The following TMEM178B variants were observed in gnomAD, a reference collection of about 807,000 sequenced individuals.
TMEM178B encodes transmembrane protein 178B.
Under a neutral mutation model 31.0 loss-of-function variants are expected in TMEM178B, and 5 were observed. The observed-to-expected ratio is 0.16, with a 90% CI of 0.08 to 0.34. The LOEUF is 0.34. Among genes scored for constraint, TMEM178B ranks in the 10% least tolerant of loss-of-function variants. The pLI, the probability that TMEM178B is intolerant of heterozygous loss-of-function variation, is 1.00. For missense variants in TMEM178B, 275 were observed against 400.3 expected (o/e 0.69, Z 2.67); for synonymous variants, 164 against 164.0 (o/e 1.00, Z 0.00).
At chr7:141,181,394 T>A (rs1796528099) in intron 1 of TMEM178B, among the ~76,000 whole-genome samples, 1 of 152,132 alleles carries the variant, frequency 6.6e-6, no homozygotes, top group African/African-American at 2.4e-5. Context: ...GCTGGCTAAC[T>A]AAGGAGAGGC....
intron 2 of TMEM178B, among the ~76,000 whole-genome samples, chr7:141,255,258 TA>T (rs1198029108): frequency 3.3e-5 from 5 of 152,134 alleles, no homozygotes; most frequent in African/African-American, 7.2e-5. Flanking sequence ...CTGGGTGGGA[TA>T]GGGGTGAAGG....
At chr7:141,295,062 T>A (rs950232961) in intron 2 of TMEM178B, among the ~76,000 whole-genome samples, 1 of 152,232 alleles carries the variant, frequency 6.6e-6, no homozygotes, top group Non-Finnish European at 1.5e-5. Context: ...GATGATACGA[T>A]GAGAAGTGTT....
At chr7:141,502,769 TAA>T in the TMEM178B span, among the ~76,000 whole-genome samples, 205 of 145,998 alleles carry the variant, frequency 1.4e-3, no homozygotes, top group Non-Finnish European at 1.3e-3. Context: ...AAACTCAGTC[TAA>T]AAAAAAAAAA....
intron 1 of TMEM178B, among the ~76,000 whole-genome samples, chr7:141,147,857 T>C (rs1795880139): frequency 6.6e-6 from 1 of 152,144 alleles, no homozygotes; most frequent in African/African-American, 2.4e-5. Flanking sequence ...GAGAGAAATA[T>C]CCACTTATAG....
At chr7:141,338,069 C>T (rs776734986) in intron 2 of TMEM178B, among the ~76,000 whole-genome samples, 1 of 152,174 alleles carries the variant, frequency 6.6e-6, no homozygotes, top group Non-Finnish European at 1.5e-5. Flanking sequence ...GATCTCCTGA[C>T]CTCGTGATGC....
At chr7:141,488,145 C>A in the TMEM178B span, among the ~76,000 whole-genome samples, 3 of 151,940 alleles carry the variant, frequency 2.0e-5, no homozygotes, top group Admixed American at 2.0e-4. Context: ...TAAGGCACTG[C>A]TTTAGAAGGT....
At chr7:141,301,432 G>A (rs1586879778) in intron 2 of TMEM178B, among the ~76,000 whole-genome samples, 2 of 152,044 alleles carry the variant, frequency 1.3e-5, no homozygotes, top group East Asian at 1.9e-4. Context: ...ACGTGTTTAT[G>A]TTCTACTGCT....
chr7:141,427,991 A>G (rs749338677), intron 2 of TMEM178B, among the ~76,000 whole-genome samples: 3 of 152,184 alleles, frequency 2.0e-5, no homozygotes, highest in Non-Finnish European at 4.4e-5. Context: ...GCAAATTAAA[A>G]CTGTTAGAGC....
intron 3 of TMEM178B, among the ~76,000 whole-genome samples, chr7:141,462,997 C>T (rs184594922): frequency 1.6e-4 from 24 of 152,274 alleles, no homozygotes; most frequent in Admixed American, 9.8e-4. Context: ...CCTTCCCACT[C>T]ACAGGTGTTT....
chr7:141,297,209 C>T (rs890647840), intron 2 of TMEM178B: 12 of 152,108 alleles, frequency 7.9e-5, no homozygotes, highest in African/African-American at 1.4e-4. Flanking sequence ...ATAGTAGAGG[C>T]AAGATTGTCT....
chr7:141,439,947 G>C (rs1375672147), intron 3 of TMEM178B, among the ~76,000 whole-genome samples: 1 of 152,246 alleles, frequency 6.6e-6, no homozygotes, highest in Non-Finnish European at 1.5e-5. Context: ...TCCAGAGAAA[G>C]AGATTGTGTA....
At chr7:141,379,162 C>G (rs1407820386) in intron 2 of TMEM178B, among the ~76,000 whole-genome samples, 1 of 152,036 alleles carries the variant, frequency 6.6e-6, no homozygotes, top group South Asian at 2.1e-4. Flanking sequence ...TGTTCTGGAG[C>G]CTTCTAAAAT....
intron 2 of TMEM178B, among the ~76,000 whole-genome samples, chr7:141,325,098 G>A (rs1387648686): frequency 2.6e-5 from 4 of 152,124 alleles, no homozygotes; most frequent in African/African-American, 4.8e-5. Context: ...CCAGGAAAAT[G>A]TATGATCTAT....
the TMEM178B span, among the ~76,000 whole-genome samples, chr7:141,509,243 G>A: frequency 6.6e-6 from 1 of 152,146 alleles, no homozygotes; most frequent in African/African-American, 2.4e-5. Flanking sequence ...ATATAAAGTA[G>A]AGAATTTTAG....
intron 2 of TMEM178B, among the ~76,000 whole-genome samples, chr7:141,271,501 C>T (rs1325875520): frequency 6.6e-6 from 1 of 152,148 alleles, no homozygotes; most frequent in Middle Eastern, 3.2e-3. Flanking sequence ...GGCCCCAGTG[C>T]ATAGGAAGAG....
chr7:141,231,889 C>T (rs1414433510), intron 2 of TMEM178B, among the ~76,000 whole-genome samples: 3 of 152,158 alleles, frequency 2.0e-5, no homozygotes, highest in East Asian at 1.9e-4. Context: ...TTTGCCAAAC[C>T]GATCAACCCC....
chr7:141,226,186 C>T (rs1586836233), intron 2 of TMEM178B, among the ~76,000 whole-genome samples: 1 of 152,144 alleles, frequency 6.6e-6, no homozygotes, highest in East Asian at 1.9e-4. Flanking sequence ...GTGCACAAGT[C>T]ACCTCCTCCC....
intron 1 of TMEM178B, among the ~76,000 whole-genome samples, chr7:141,091,413 G>A (rs1794878332): frequency 6.6e-6 from 1 of 152,128 alleles, no homozygotes; most frequent in Non-Finnish European, 1.5e-5. Flanking sequence ...ACTGAAGGTG[G>A]CATTTCTTCT....
chr7:141,383,321 A>C lies in TMEM178B; in HGVS notation c.497-54287A>C, dbSNP rs370656775. Among the ~76,000 whole-genome samples, 707 of 150,926 alleles carry C rather than the reference A, an allele frequency of 4.7e-3. 2 individuals are homozygous for C. The highest frequency in any genetic ancestry group is 0.025 in the South Asian group (116 of 4,680). ...GCCATGTTGGTGTGCTGCACCCATT[A>C]ACTCGTCATTTACATTAGGTGTGTC... is the stretch of plus-strand genomic sequence containing the variant. On this transcript the variant is annotated intron_variant, in intron 2 of 3. Transcript: ENST00000565468.
Sources: gnomAD v4.1 joint callset for allele counts (sites outside exome capture counted in the v4.1 genomes callset) on GRCh38, gnomAD v4.1.1 for gene constraint, MANE v1.5 for transcripts, NCBI Gene and HGNC (gene_info 2026-07-23, HGNC 2026-07-21) for gene names.